The following FBLN1 variants were observed in gnomAD, a reference collection of about 807,000 sequenced individuals.
The protein encoded by FBLN1 is fibulin-1.
Under a neutral mutation model 89.7 loss-of-function variants are expected in FBLN1, and 34 were observed. The observed-to-expected ratio is 0.38, with a 90% CI of 0.29 to 0.50. The LOEUF is 0.50. Ranked by LOEUF, FBLN1 falls within the 20% of genes least tolerant of loss-of-function variation. The pLI is 0.92. For synonymous variants in FBLN1, 393 were observed against 391.3 expected, an observed-to-expected ratio of 1.00 and a Z score of -0.05; for missense variants, 777 against 988.1, an observed-to-expected ratio of 0.79 and a Z score of 2.86.
intron 2 of FBLN1, among the ~76,000 whole-genome samples, chr22:45,524,159 G>A (rs943203578): frequency 6.6e-6 from 1 of 152,226 alleles, no homozygotes; most frequent in African/African-American, 2.4e-5. Context: ...AGGGAAGGTT[G>A]GGGGAAGGTG....
rs1355351703 is a variant in FBLN1, at chr22:45,590,698, G to A, written c.1973-9609G>A. Reference sequence around the variant, plus strand: ...AGGGAGGAGAGTCTGGAGACCTTTAGGAATAGAATCCATTGGCCTCAGTGA... The same window carrying A: ...AGGGAGGAGAGTCTGGAGACCTTTAAGAATAGAATCCATTGGCCTCAGTGA... On this transcript the variant is annotated intron_variant, in intron 16 of 16. Transcript: ENST00000327858. The surrounding 1 kb of genome is among the most constrained non-coding windows in gnomAD (Gnocchi z 4.1). Among the ~76,000 whole-genome samples, 4 of 152,130 alleles carry A rather than the reference G, an allele frequency of 2.6e-5. No individual in the cohort carries two copies. The highest frequency in any genetic ancestry group is 4.8e-5 in the African/African-American group (2 of 41,442).
At chr22:45,508,323 G>A (rs972455943) in intron 1 of FBLN1, among the ~76,000 whole-genome samples, 10 of 138,916 alleles carry the variant, frequency 7.2e-5, no homozygotes, top group Non-Finnish European at 1.5e-4. Flanking sequence ...TGTCTGGGGT[G>A]TGATCTTGGC....
chr22:45,529,850 G>A (rs2088380349), intron 4 of FBLN1, among the ~76,000 whole-genome samples: 1 of 152,164 alleles, frequency 6.6e-6, no homozygotes, highest in East Asian at 1.9e-4. Flanking sequence ...CTGGGTGACA[G>A]AACGAGACTC....
rs1477540084 is a variant in FBLN1 at position 45,549,188 on chromosome 22, T to C, written c.1573+444T>C. On this transcript the variant is annotated intron_variant, in intron 13 of 16. Transcript: ENST00000327858. The surrounding 1 kb of genome is among the most constrained non-coding windows in gnomAD (Gnocchi z 5.7). The stretch of plus-strand genomic sequence containing the variant: ...GGCTAAGTAATGGTGGCCAATGGCA[T>C]TGGTTCTGCATTCAGCCCCCTTTTC... Among the ~76,000 whole-genome samples, 3 of 152,182 alleles carry C rather than the reference T, an allele frequency of 2.0e-5. No homozygotes were observed. The highest frequency in any genetic ancestry group is 4.4e-5 in the Non-Finnish European group (3 of 68,010).
In FBLN1 at chr22:45,587,318, CT is replaced by C. The variant is rs1223616726; in HGVS notation, c.1972+10211del. On this transcript the variant is annotated intron_variant, in intron 16 of 16. Coordinates refer to ENST00000327858, the MANE Select transcript of FBLN1 (RefSeq NM_006486.3). Reference sequence around the variant, plus strand: ...GCCCCACTTTTCACATCCATCCCCGCTGCCCGGCCAGAGACACGTCCTCAGC... The same window carrying C: ...GCCCCACTTTTCACATCCATCCCCGCGCCCGGCCAGAGACACGTCCTCAGC... Among the ~76,000 whole-genome samples, 25 of 99,186 alleles carry C rather than the reference CT, an allele frequency of 2.5e-4. 3 individuals are homozygous for C. Among genetic ancestry groups the C allele is most frequent in the Non-Finnish European group, 4.7e-4 (24 of 51,140 alleles). The allele number at this position is 99,186 out of a possible 152,430, so 65.1% of individuals were successfully genotyped here. A position where few individuals can be genotyped will look rare whatever the true frequency, so the allele number is the denominator to read the frequency against.
rs1243020584 is a variant in FBLN1 at position 45,580,985 on chromosome 22, T to C, written c.1972+3877T>C. On this transcript the variant is annotated intron_variant, in intron 16 of 16. Coordinates refer to ENST00000327858, the MANE Select transcript of FBLN1 (RefSeq NM_006486.3). The surrounding 1 kb of genome is among the most constrained non-coding windows in gnomAD (Gnocchi z 8.6). ...AAAAATGAAGAATGCGTTTTCGCCC[T>C]GTGCAAAAATGCTCCATTAATGCCC... 1.3e-5 allele frequency among the ~76,000 whole-genome samples: 2 copies of C among 152,254 alleles called. No individual in the cohort carries two copies. Among genetic ancestry groups the C allele is most frequent in the Non-Finnish European group, 2.9e-5 (2 of 68,046 alleles).
At chr22:45,522,530 A>T (rs2146955559) in intron 2 of FBLN1, among the ~76,000 whole-genome samples, 1 of 152,240 alleles carries the variant, frequency 6.6e-6, no homozygotes, top group Non-Finnish European at 1.5e-5. Context: ...CTCAGAGAGG[A>T]CTGCAGGGAG....
intron 14 of FBLN1, among the ~76,000 whole-genome samples, chr22:45,568,594 A>C (rs1569260198): frequency 0.019 from 773 of 40,718 alleles, 280 homozygotes; most frequent in Middle Eastern, 0.071. Context: ...CCTGTAGGGG[A>C]ATGCTCCTTC....
rs1273721064 is a variant in FBLN1 at position 45,531,061 on chromosome 22, G to A, written c.485-204G>A. ...TTACAGGTGCCCGCCACCACGCCTG[G>A]CCTATAATTGATCAGATATCAATTA... On this transcript the variant is annotated intron_variant, in intron 4 of 16. Transcript: ENST00000327858. The surrounding 1 kb of genome is among the most constrained non-coding windows in gnomAD (Gnocchi z 4.9). Among the ~76,000 whole-genome samples, 1 of 152,094 alleles carries A rather than the reference G, an allele frequency of 6.6e-6. No homozygotes were observed. Among genetic ancestry groups the A allele is most frequent in the Admixed American group, 6.5e-5 (1 of 15,274 alleles).
rs780723521 is a variant in FBLN1 at position 45,533,049 on chromosome 22, C to T, written c.545-14C>T. ...GGTGCGTCCATCCCTGGCTCATGCA[C>T]GCTGTGCTTCCAGGAGGCGGGCCCT... On this transcript the variant is annotated splice_polypyrimidine_tract_variant and intron_variant, in intron 5 of 16. Coordinates refer to ENST00000327858, the MANE Select transcript of FBLN1 (RefSeq NM_006486.3). 18 of 1,612,188 alleles carry T rather than the reference C, an allele frequency of 1.1e-5. No homozygotes were observed. The Admixed American group carries it at 1.2e-4, about 10-fold the overall frequency.
intron 14 of FBLN1, among the ~76,000 whole-genome samples, chr22:45,559,534 C>T (rs1390780041): frequency 6.6e-6 from 1 of 152,206 alleles, no homozygotes; most frequent in Non-Finnish European, 1.5e-5. Context: ...TGTGGGGGTT[C>T]TGCCAGCTGC....
rs371423542 is a variant in FBLN1, at chr22:45,503,877, C to G, written c.79+813C>G. On this transcript the variant is annotated intron_variant, in intron 1 of 16. Coordinates refer to ENST00000327858, the MANE Select transcript of FBLN1 (RefSeq NM_006486.3). ...GCTCCGGGACAGTGCCCACCCAGCC[C>G]GCGCTTTTCTCCCCTCTAACCCTCA... Among the ~76,000 whole-genome samples the G allele has an allele frequency of 4.5e-3, 686 of 152,278 alleles. 2 individuals are homozygous for G. Among genetic ancestry groups the G allele is most frequent in the African/African-American group, 0.016 (663 of 41,538 alleles).
intron 16 of FBLN1, among the ~76,000 whole-genome samples, chr22:45,582,675 G>C (rs1009272942): frequency 1.3e-5 from 2 of 152,196 alleles, no homozygotes; most frequent in Non-Finnish European, 2.9e-5. Flanking sequence ...GAGCTTCACG[G>C]CTGGGAATGG....
In FBLN1 at chr22:45,543,440, G is replaced by A. The variant is rs201005383; in HGVS notation, c.1235G>A (p.Gly412Asp). 4.3e-6 allele frequency: 7 copies of A among 1,613,708 alleles called. No homozygotes were observed. The East Asian group carries it at 1.3e-4, about 31-fold the overall frequency. The change falls in exon 11 of 17, where the codon GGC becomes GAC. Residue 412 changes from glycine (G) to aspartate (D), a missense_variant. Physicochemically the swap from Gly to Asp is moderately conservative, Grantham distance 94. Coordinates refer to ENST00000327858, the MANE Select transcript of FBLN1 (RefSeq NM_006486.3). ...CAGCGCTACCCCGGGCGCCTGTGTG[G>A]CCACAAGTGCGAGAACACGCTGGGC... ...ECQRYPGRLC[G>D]HKCENTLGSY...
In FBLN1 at chr22:45,561,535, T is replaced by A. The variant is rs149734278; in HGVS notation, c.1697+10920T>A. The stretch of plus-strand genomic sequence containing the variant: ...TCTCTAAACAGTTCATGCCAAGGAC[T>A]ATCAGTGTTCTCCATACTATTAGAA... On this transcript the variant is annotated intron_variant, in intron 14 of 16. Transcript: ENST00000327858. This position sits in a 1 kb window ranked among gnomAD's most constrained non-coding sequence, Gnocchi z 4.7. 4.0e-4 allele frequency among the ~76,000 whole-genome samples: 61 copies of A among 152,328 alleles called. No homozygotes were observed. The highest frequency in any genetic ancestry group is 5.3e-4 in the African/African-American group (22 of 41,584).
Position 45,557,672 on chromosome 22 carries a change from C to G in FBLN1, c.1697+7057C>G, listed in dbSNP as rs1602207818. On this transcript the variant is annotated intron_variant, in intron 14 of 16. Transcript: ENST00000327858. The surrounding 1 kb of genome is among the most constrained non-coding windows in gnomAD (Gnocchi z 4.9). Reference sequence around the variant, plus strand: ...TATTAAAATCCTCCTCTGCTGAGCTCTTTTATGTGATATGGTGAGCACTCT... The same window carrying G: ...TATTAAAATCCTCCTCTGCTGAGCTGTTTTATGTGATATGGTGAGCACTCT... 6.6e-6 allele frequency among the ~76,000 whole-genome samples: 1 copy of G among 152,334 alleles called. No individual in the cohort carries two copies. Among genetic ancestry groups the G allele is most frequent in the East Asian group, 1.9e-4 (1 of 5,192 alleles).
intron 16 of FBLN1, among the ~76,000 whole-genome samples, chr22:45,587,541 G>A (rs188258997): frequency 1.4e-4 from 22 of 152,340 alleles, no homozygotes; most frequent in African/African-American, 5.1e-4. Flanking sequence ...TTGTCTGCCA[G>A]TTGTGGTCAC....
chr22:45,539,697 C>T (rs1001529697), intron 8 of FBLN1, among the ~76,000 whole-genome samples: 3 of 152,320 alleles, frequency 2.0e-5, no homozygotes, highest in East Asian at 1.9e-4. Flanking sequence ...AGGGAGAGAT[C>T]GGGTGCCCTG....
At chr22:45,521,572 C>T (rs1435291392) in intron 2 of FBLN1, among the ~76,000 whole-genome samples, 1 of 152,260 alleles carries the variant, frequency 6.6e-6, no homozygotes, top group Non-Finnish European at 1.5e-5. Flanking sequence ...TTACCCTGTT[C>T]TCACTGGGGT....
Sources: allele counts gnomAD v4.1 joint callset (sites outside exome capture counted in the v4.1 genomes callset), GRCh38; gene constraint gnomAD v4.1.1; non-coding constraint Gnocchi (gnomAD v3.1); transcripts MANE v1.5; gene names NCBI Gene and HGNC (gene_info 2026-07-23, HGNC 2026-07-21).